DOCK1: variants seen among roughly 807,000 people sequenced by gnomAD.
DOCK1 encodes dedicator of cytokinesis protein 1.
A neutral mutation model predicts 262.7 loss-of-function variants in DOCK1; 138 were observed. The observed-to-expected ratio is 0.53, with a 90% CI of 0.46 to 0.61. The LOEUF (loss-of-function observed/expected upper bound fraction) is 0.61. DOCK1 is among the 20% of genes least tolerant of loss of function. The pLI, the probability that DOCK1 is intolerant of heterozygous loss-of-function variation, is 0.00. For missense variants in DOCK1, 1,908 were observed against 2,370.7 expected (o/e 0.80, Z 4.05); for synonymous variants, 866 against 867.4 (o/e 1.00, Z 0.03).
At chr10:127,327,604 C>T (rs2062798741) in intron 29 of DOCK1, among the ~76,000 whole-genome samples, 1 of 152,194 alleles carries the variant, frequency 6.6e-6, no homozygotes, top group Non-Finnish European at 1.5e-5. Context: ...CACCACTAAA[C>T]TTTGCCCACT....
intron 29 of DOCK1, among the ~76,000 whole-genome samples, chr10:127,260,891 GTGCTCATC>G (rs2135009514): frequency 8.0e-6 from 1 of 125,380 alleles, no homozygotes; most frequent in Admixed American, 8.3e-5. Flanking sequence ...GTGTGTACCC[GTGCTCATC>G]TGTGTACCTG....
intron 27 of DOCK1, among the ~76,000 whole-genome samples, chr10:127,209,255 T>G (rs2057862345): frequency 6.6e-6 from 1 of 152,206 alleles, no homozygotes; most frequent in Admixed American, 6.5e-5. Context: ...AGGAGAAGAT[T>G]GAGCTTGCTT....
intron 33 of DOCK1, among the ~76,000 whole-genome samples, chr10:127,362,547 AC>A (rs1434557748): frequency 6.6e-6 from 1 of 152,202 alleles, no homozygotes; most frequent in African/African-American, 2.4e-5. Context: ...GTTATGTGTT[AC>A]ATTCTCTCAG....
rs141502443 is a variant in DOCK1 at position 127,041,340 on chromosome 10, C to T, written c.2011-1285C>T. Among the ~76,000 whole-genome samples, 1,138 of 152,260 alleles carry T rather than the reference C, an allele frequency of 7.5e-3. 7 individuals carry two copies. The highest frequency in any genetic ancestry group is 9.1e-3 in the Non-Finnish European group (618 of 68,026). On this transcript the variant is annotated intron_variant, in intron 19 of 51. Coordinates refer to ENST00000623213, the MANE Select transcript of DOCK1 (RefSeq NM_001290223.2). ...CTCGAACTCCCGACCTCAGGTGATC[C>T]GGCCTCCTCAGCCTCCCAAAGTGCT... is the stretch of plus-strand genomic sequence containing the variant.
At chr10:126,938,694 C>T (rs1044595625) in intron 1 of DOCK1, among the ~76,000 whole-genome samples, 24 of 152,118 alleles carry the variant, frequency 1.6e-4, no homozygotes, top group Non-Finnish European at 2.1e-4. Context: ...TGTCTAATGA[C>T]GGCTGCTCCC....
At chr10:127,169,745 G>C (rs2054391371) in intron 27 of DOCK1, among the ~76,000 whole-genome samples, 1 of 152,142 alleles carries the variant, frequency 6.6e-6, no homozygotes, top group African/African-American at 2.4e-5. Context: ...AGCTGACCCT[G>C]AGCCCCTGCA....
rs555026674 is a variant in DOCK1 at position 127,076,304 on chromosome 10, A to G, written c.2445+14528A>G. Among the ~76,000 whole-genome samples the G allele has an allele frequency of 1.2e-4, 18 of 152,316 alleles. No individual in the cohort carries two copies. In the South Asian group the frequency reaches 3.5e-3, roughly 30 times the overall value. On this transcript the variant is annotated intron_variant, in intron 23 of 51. Coordinates refer to ENST00000623213, the MANE Select transcript of DOCK1 (RefSeq NM_001290223.2). ...ATCACAAGGTCAGTAGATCAAGACC[A>G]TCCTGGCTAACACGGTGAAACCCCG...
intron 27 of DOCK1, among the ~76,000 whole-genome samples, chr10:127,168,722 C>A (rs1564861539): frequency 6.6e-6 from 1 of 152,186 alleles, no homozygotes; most frequent in East Asian, 1.9e-4. Context: ...TCACTGTGCC[C>A]AGCTTTCCCC....
chr10:127,313,823 C>G (rs904390154), intron 29 of DOCK1, among the ~76,000 whole-genome samples: 1 of 152,116 alleles, frequency 6.6e-6, no homozygotes, highest in African/African-American at 2.4e-5. Flanking sequence ...GAACTACAGC[C>G]CCTCGAGGGG....
At chr10:127,344,833 T>G (rs1384277691) in intron 31 of DOCK1, among the ~76,000 whole-genome samples, 1 of 152,070 alleles carries the variant, frequency 6.6e-6, no homozygotes, top group Non-Finnish European at 1.5e-5. Flanking sequence ...TGAATTGCCA[T>G]GCACTCCAGC....
chr10:127,374,487 G>A (rs1463719035), intron 35 of DOCK1, among the ~76,000 whole-genome samples: 1 of 152,150 alleles, frequency 6.6e-6, no homozygotes, highest in Non-Finnish European at 1.5e-5. Flanking sequence ...CCAGGGTAGT[G>A]CCTCATGGAT....
intron 29 of DOCK1, among the ~76,000 whole-genome samples, chr10:127,324,762 T>A (rs2062685855): frequency 6.6e-6 from 1 of 152,230 alleles, no homozygotes. Context: ...AAAAATAGTT[T>A]TGCACAATCA....
At position 127,063,427 on chromosome 10, in the gene DOCK1, C is replaced by T. The variant is rs541221760; in HGVS notation, c.2445+1651C>T. Among the ~76,000 whole-genome samples the T allele has an allele frequency of 2.6e-5, 4 of 152,156 alleles. No individual in the cohort carries two copies. In the South Asian group the frequency reaches 8.3e-4, roughly 32 times the overall value. ...CCTACCTTTCATCTCAGAGGTGGTGCAGCTGTTTGGTGGAGCCATTTGGAC... is the reference window on the plus strand; with the variant it reads ...CCTACCTTTCATCTCAGAGGTGGTGTAGCTGTTTGGTGGAGCCATTTGGAC... On this transcript the variant is annotated intron_variant, in intron 23 of 51. Transcript: ENST00000623213.
rs574815561 is a variant in DOCK1 at position 127,036,277 on chromosome 10, G to A, written c.1913-1442G>A. On this transcript the variant is annotated intron_variant, in intron 18 of 51. Coordinates refer to ENST00000623213, the MANE Select transcript of DOCK1 (RefSeq NM_001290223.2). ...CTGGTGGTTAGGCCCACACTTGGGCGTCTTCCACGGGATCTTTGGGTGCTC... is the reference window on the plus strand; with the variant it reads ...CTGGTGGTTAGGCCCACACTTGGGCATCTTCCACGGGATCTTTGGGTGCTC... Among the ~76,000 whole-genome samples, 9 of 152,270 alleles carry A rather than the reference G, an allele frequency of 5.9e-5. No homozygotes were observed. The East Asian group carries it at 1.7e-3, about 30-fold the overall frequency.
intron 1 of DOCK1, among the ~76,000 whole-genome samples, chr10:126,963,676 TCCCTTCCTC>T (rs2037455841): frequency 8.0e-6 from 1 of 124,948 alleles, no homozygotes; most frequent in African/African-American, 3.3e-5. Context: ...CCTTCCTCCC[TCCCTTCCTC>T]CCTTCCTTCC....
chr10:127,153,861 A>T, intron 27 of DOCK1: 1 of 1,611,984 alleles, frequency 6.2e-7, no homozygotes, highest in Non-Finnish European at 8.5e-7. Context: ...CCTATAGATA[A>T]TACATGCACT....
intron 29 of DOCK1, among the ~76,000 whole-genome samples, chr10:127,330,294 C>G (rs1362747729): frequency 1.3e-5 from 2 of 152,100 alleles, no homozygotes; most frequent in East Asian, 3.9e-4. Flanking sequence ...CACACCTACT[C>G]AGCACTGCTA....
intron 31 of DOCK1, 43 bp downstream of exon 31, chr10:127,343,789 A>G (rs775589514): frequency 2.8e-6 from 4 of 1,436,158 alleles, no homozygotes; most frequent in Admixed American, 4.2e-5. Context: ...AGGAGCCTCC[A>G]ACTCTAATCG....
chr10:127,033,920 C>CT (rs1443572288), intron 18 of DOCK1, among the ~76,000 whole-genome samples: 2 of 152,150 alleles, frequency 1.3e-5, no homozygotes, highest in African/African-American at 4.8e-5. Context: ...CAGTAAGTCT[C>CT]TTAAGTGCCT....
Sources: gnomAD v4.1 joint callset for allele counts (sites outside exome capture counted in the v4.1 genomes callset) on GRCh38, gnomAD v4.1.1 for gene constraint, MANE v1.5 for transcripts, NCBI Gene and HGNC (gene_info 2026-07-23, HGNC 2026-07-21) for gene names.